The following TMEM67 variants were observed in gnomAD, a reference collection of about 807,000 sequenced individuals.
The protein encoded by TMEM67 is meckelin.
In TMEM67, 124 loss-of-function variants were observed where a neutral mutation model predicts 136.6. That is an observed-to-expected ratio of 0.91 (90% CI 0.78 to 1.05). TMEM67 has a LOEUF of 1.05. Ranked by LOEUF, TMEM67 falls within the 50% of genes least tolerant of loss-of-function variation. TMEM67 has a pLI of 0.00. For missense variants in TMEM67, 1,107 were observed against 1,178.4 expected (o/e 0.94, Z 0.89); for synonymous variants, 364 against 390.5 (o/e 0.93, Z 0.80).
chr8:93,759,273 G>A (rs1418054320), intron 3 of TMEM67: 1 of 151,788 alleles, frequency 6.6e-6, no homozygotes, highest in Non-Finnish European at 1.5e-5. Flanking sequence ...ACCAGTCTGG[G>A]CAACATGGTG....
intron 6 of TMEM67, among the ~76,000 whole-genome samples, chr8:93,768,086 G>A (rs1215044440): frequency 6.6e-6 from 1 of 151,000 alleles, no homozygotes; most frequent in Admixed American, 6.6e-5. Flanking sequence ...GGCTGGTCTC[G>A]AACTCCCCAC....
intron 6 of TMEM67, among the ~76,000 whole-genome samples, chr8:93,766,285 A>AT (rs1280447809): frequency 1.3e-5 from 2 of 151,896 alleles, no homozygotes; most frequent in African/African-American, 4.8e-5. Flanking sequence ...CGCCCGGCTA[A>AT]TTTTTTGTAT....
At position 93,781,757 on chromosome 8, in the gene TMEM67, C is replaced by G; in HGVS notation, c.1065+13C>G. 6.6e-7 allele frequency: 1 copy of G among 1,516,698 alleles called. No homozygotes were observed. The highest frequency in any genetic ancestry group is 9.1e-7 in the Non-Finnish European group (1 of 1,097,460). The allele number at this position is 1,516,698 out of a possible 1,614,324, so 94.0% of individuals were successfully genotyped here. On this transcript the variant is annotated intron_variant, in intron 10 of 27. Coordinates refer to ENST00000453321, the MANE Select transcript of TMEM67 (RefSeq NM_153704.6). ...AGGTGTTTTACAGGTAAGCATGATT[C>G]TAGTTAAAGAATTAATAACATGCAT...
the TMEM67 span, among the ~76,000 whole-genome samples, chr8:93,827,364 C>T: frequency 2.0e-5 from 3 of 151,994 alleles, no homozygotes; most frequent in East Asian, 5.8e-4. Context: ...TCCATTCTCC[C>T]CTTCTTCATT....
downstream of TMEM67, among the ~76,000 whole-genome samples, chr8:93,823,021 C>G (rs572349612): frequency 7.5e-4 from 114 of 152,338 alleles, no homozygotes; most frequent in Middle Eastern, 3.4e-3. Flanking sequence ...TCTACTTTTA[C>G]AGAGCTTATA....
intron 11 of TMEM67, among the ~76,000 whole-genome samples, chr8:93,783,897 C>G (rs921400936): frequency 6.6e-6 from 1 of 152,214 alleles, no homozygotes; most frequent in African/African-American, 2.4e-5. Flanking sequence ...CCCTCCGGGT[C>G]CTTCCCATGA....
At chr8:93,778,937 C>G (rs1813681673) in intron 7 of TMEM67, among the ~76,000 whole-genome samples, 2 of 152,166 alleles carry the variant, frequency 1.3e-5, no homozygotes, top group African/African-American at 4.8e-5. Context: ...TGGATAATAT[C>G]CTGAAGAGTG....
At chr8:93,790,076 A>G (rs902831246) in intron 14 of TMEM67, among the ~76,000 whole-genome samples, 54 of 152,260 alleles carry the variant, frequency 3.5e-4, no homozygotes, top group African/African-American at 1.3e-3. Context: ...AAAAGAAAAA[A>G]AAAAAGTCAA....
intron 26 of TMEM67, among the ~76,000 whole-genome samples, chr8:93,812,641 C>G (rs1236826341): frequency 6.6e-6 from 1 of 152,200 alleles, no homozygotes; most frequent in Non-Finnish European, 1.5e-5. Flanking sequence ...GGTTACAATC[C>G]TCTAAAAGTT....
At chr8:93,820,330 A>C (rs1809023932), downstream of TMEM67, among the ~76,000 whole-genome samples, 1 of 152,176 alleles carries the variant, frequency 6.6e-6, no homozygotes, top group South Asian at 2.1e-4. Flanking sequence ...GAGGGCAATG[A>C]GGTTGGAAAG....
intron 1 of TMEM67, among the ~76,000 whole-genome samples, chr8:93,755,347 T>C (rs890027936): frequency 6.6e-6 from 1 of 152,210 alleles, no homozygotes; most frequent in Non-Finnish European, 1.5e-5. Flanking sequence ...TTTAGTGACG[T>C]AGAAATGTAA....
intron 2 of TMEM67, among the ~76,000 whole-genome samples, chr8:93,757,914 G>A (rs974575857): frequency 2.0e-5 from 3 of 151,794 alleles, no homozygotes; most frequent in Non-Finnish European, 4.4e-5. Flanking sequence ...ACACCACCAC[G>A]CCCAGCTAAT....
chr8:93,756,298 G>A (rs1812571211), intron 2 of TMEM67: 1 of 152,628 alleles, frequency 6.6e-6, no homozygotes, highest in African/African-American at 2.4e-5. Context: ...TATCTAAGGT[G>A]TAATTATTTC....
intron 3 of TMEM67, among the ~76,000 whole-genome samples, chr8:93,763,631 T>C (rs1182094899): frequency 6.6e-6 from 1 of 152,208 alleles, no homozygotes; most frequent in Non-Finnish European, 1.5e-5. Context: ...GCATCACTTC[T>C]CTTTTTTTTT....
rs903869941 is a variant in TMEM67 at position 93,797,179 on chromosome 8, G to A, written c.1906G>A (p.Val636Ile). 2 of 1,612,938 alleles carry A rather than the reference G, an allele frequency of 1.2e-6. No homozygotes were observed. Among genetic ancestry groups the A allele is most frequent in the African/African-American group, 1.3e-5 (1 of 74,908 alleles). Reference protein sequence around the residue: ...HKLISQITIDVFFIDWERPKG... With the variant: ...HKLISQITIDIFFIDWERPKG... ...GCTCATATCCCAGATTACAATAGAT[G>A]TATTCTTTATTGATTGGGAGCGACC... The change falls in exon 19 of 28, where the codon GTA (valine) becomes ATA (isoleucine). Residue 636 changes from valine (V) to isoleucine (I), a missense_variant. Transcript: ENST00000453321.
chr8:93,755,231 G>C, intron 1 of TMEM67, 94 bp downstream of exon 1: 1 of 1,248,876 alleles, frequency 8.0e-7, no homozygotes, highest in Non-Finnish European at 1.2e-6. Flanking sequence ...TGTTGATCAG[G>C]CTAGTCTCGA....
intron 21 of TMEM67, among the ~76,000 whole-genome samples, chr8:93,800,571 C>T (rs953028586): frequency 3.2e-4 from 48 of 152,046 alleles, no homozygotes; most frequent in African/African-American, 1.1e-3. Flanking sequence ...TAATAGCCCT[C>T]GGAGATAAGC....
Position 93,817,374 on chromosome 8 carries a change from T to C in TMEM67, c.*922T>C, listed in dbSNP as rs1319484506. 2 of 152,214 alleles carry C rather than the reference T, an allele frequency of 1.3e-5. No homozygotes were observed. Among genetic ancestry groups the C allele is most frequent in the East Asian group, 3.9e-4 (2 of 5,168 alleles). 9.4% of individuals were successfully genotyped at this position (152,214 alleles called of 1,614,324 possible). ...TGGAAAACCCCATCTCTACAAAAAA[T>C]ACAAAAATTAGTTGGATGTGGTGGC... On this transcript the variant is annotated 3_prime_UTR_variant, in exon 28 of 28. Coordinates refer to ENST00000453321, the MANE Select transcript of TMEM67 (RefSeq NM_153704.6).
chr8:93,784,175 T>C (rs557461012), intron 11 of TMEM67, among the ~76,000 whole-genome samples: 2 of 152,254 alleles, frequency 1.3e-5, no homozygotes, highest in Non-Finnish European at 2.9e-5. Context: ...TTACTTCTTT[T>C]GTCAGAAATG....
Sources: gnomAD v4.1 joint callset for allele counts (sites outside exome capture counted in the v4.1 genomes callset) on GRCh38, gnomAD v4.1.1 for gene constraint, MANE v1.5 for transcripts, NCBI Gene and HGNC (gene_info 2026-07-23, HGNC 2026-07-21) for gene names.